The following NR3C2 variants were observed in gnomAD, a reference collection of about 807,000 sequenced individuals.
NR3C2 encodes mineralocorticoid receptor.
NR3C2 carries 15 observed loss-of-function variants against 86.4 expected under a neutral mutation model. That is an observed-to-expected ratio of 0.17 (90% CI 0.12 to 0.27). The LOEUF is 0.27. NR3C2 is among the 10% of genes least tolerant of loss of function. The pLI is 1.00. For synonymous variants in NR3C2, 458 were observed against 450.5 expected (o/e 1.02, Z -0.21); for missense variants, 960 against 1,195.6 (o/e 0.80, Z 2.91).
At chr4:148,305,910 G>T (rs1742592205) in intron 2 of NR3C2, among the ~76,000 whole-genome samples, 1 of 152,188 alleles carries the variant, frequency 6.6e-6, no homozygotes, top group Non-Finnish European at 1.5e-5. Flanking sequence ...CAAATAAGCA[G>T]CTGCTCCCAG....
chr4:148,419,456 T>G (rs61758349), intron 2 of NR3C2, among the ~76,000 whole-genome samples: 12 of 152,178 alleles, frequency 7.9e-5, no homozygotes, highest in Non-Finnish European at 1.3e-4. Flanking sequence ...TCAGAAAAGA[T>G]TATTTGCATC....
chr4:148,160,804 C>G (rs1276100292), intron 4 of NR3C2, among the ~76,000 whole-genome samples: 1 of 152,192 alleles, frequency 6.6e-6, no homozygotes, highest in African/African-American at 2.4e-5. Flanking sequence ...CACCAACTAT[C>G]TTCTTTAACA....
chr4:148,287,170 CTATTT>C (rs1004228850), intron 2 of NR3C2, among the ~76,000 whole-genome samples: 1 of 152,218 alleles, frequency 6.6e-6, no homozygotes, highest in Non-Finnish European at 1.5e-5. Context: ...CTACTGTTAA[CTATTT>C]TTTTCTCTAA....
intron 4 of NR3C2, among the ~76,000 whole-genome samples, chr4:148,188,146 T>TG (rs1432792834): frequency 2.0e-5 from 3 of 152,212 alleles, no homozygotes; most frequent in African/African-American, 7.2e-5. Context: ...AATCAGGTAA[T>TG]GGGATGTCTC....
rs549237098 is a variant in NR3C2 at position 148,319,854 on chromosome 4, T to C, written c.1758-59737A>G. On this transcript the variant is annotated intron_variant, in intron 2 of 8. Transcript: ENST00000358102. ...ACAATTTGACTTCCTCTTTTCCTAA[T>C]TGAATACCCTTTATTTCCTTCTCCT... 4.6e-3 allele frequency among the ~76,000 whole-genome samples: 664 copies of C among 144,470 alleles called. 20 individuals are homozygous for C. The highest frequency in any genetic ancestry group is 0.017 in the African/African-American group (618 of 36,624). The allele number at this position is 144,470 out of a possible 152,430, so 94.8% of individuals were successfully genotyped here.
chr4:148,336,076 T>C (rs1744472439), intron 2 of NR3C2, among the ~76,000 whole-genome samples: 1 of 152,172 alleles, frequency 6.6e-6, no homozygotes, highest in Non-Finnish European at 1.5e-5. Context: ...CCTTGAGTGA[T>C]AGTGTCTCAG....
At chr4:148,323,675 G>A (rs1404824146) in intron 2 of NR3C2, among the ~76,000 whole-genome samples, 5 of 152,184 alleles carry the variant, frequency 3.3e-5, no homozygotes, top group African/African-American at 7.2e-5. Flanking sequence ...TCTTTGACTC[G>A]GAAAGGGAAC....
At position 148,395,314 on chromosome 4, in the gene NR3C2, A is replaced by T. The variant is rs952244484; in HGVS notation, c.1757+39790T>A. ...CTTGTGATTTAGGGCTCTGCCCCTA[A>T]ATCCTCTAGAATATGGACTTTTTTG... On this transcript the variant is annotated intron_variant, in intron 2 of 8. Transcript: ENST00000358102. Among the ~76,000 whole-genome samples the T allele has an allele frequency of 1.2e-4, 18 of 152,300 alleles. 1 individual carries two copies. The highest frequency in any genetic ancestry group is 6.8e-3 in the Middle Eastern group (2 of 294).
chr4:148,351,223 G>T (rs1387517188), intron 2 of NR3C2, among the ~76,000 whole-genome samples: 1 of 152,130 alleles, frequency 6.6e-6, no homozygotes, highest in East Asian at 1.9e-4. Context: ...TCAGCTCACT[G>T]CAACCTCCAT....
chr4:148,147,157 C>T (rs1324413696), intron 6 of NR3C2, among the ~76,000 whole-genome samples: 2 of 152,092 alleles, frequency 1.3e-5, no homozygotes, highest in Non-Finnish European at 2.9e-5. Flanking sequence ...TATCTTCACC[C>T]CAATGTTTAG....
chr4:148,312,010 A>T (rs1466258602), intron 2 of NR3C2, among the ~76,000 whole-genome samples: 1 of 152,240 alleles, frequency 6.6e-6, no homozygotes, highest in Non-Finnish European at 1.5e-5. Context: ...ATGCATGCAC[A>T]CACAGTGATG....
At chr4:148,394,225 C>A (rs935500128) in intron 2 of NR3C2, among the ~76,000 whole-genome samples, 4 of 152,124 alleles carry the variant, frequency 2.6e-5, no homozygotes. Flanking sequence ...CCAGCTAAAT[C>A]CAGAAAACTG....
intron 2 of NR3C2, among the ~76,000 whole-genome samples, chr4:148,325,103 GGAGAGACA>G (rs1315749057): frequency 6.9e-6 from 1 of 144,772 alleles, no homozygotes; most frequent in Non-Finnish European, 1.5e-5. Context: ...GGAGCATAGT[GGAGAGACA>G]GAGAGAGAGA....
At chr4:148,194,974 C>A in intron 3 of NR3C2, 112 bp from the exon 4 acceptor site, 2 of 823,942 alleles carry the variant, frequency 2.4e-6, no homozygotes, top group Non-Finnish European at 2.0e-6. Flanking sequence ...ATCTCTTTCT[C>A]AAAAAAGTAA....
intron 2 of NR3C2, among the ~76,000 whole-genome samples, chr4:148,390,586 G>T (rs902279335): frequency 6.6e-6 from 1 of 152,038 alleles, no homozygotes; most frequent in Non-Finnish European, 1.5e-5. Context: ...ATACAACAAG[G>T]TTCTATTCAA....
intron 2 of NR3C2, among the ~76,000 whole-genome samples, chr4:148,339,535 G>A (rs905246456): frequency 2.0e-5 from 3 of 152,162 alleles, no homozygotes; most frequent in African/African-American, 7.2e-5. Context: ...CATTAGTAAT[G>A]TTTAAGAGAA....
chr4:148,087,578 A>T (rs918141082), intron 8 of NR3C2, among the ~76,000 whole-genome samples: 1 of 152,162 alleles, frequency 6.6e-6, no homozygotes, highest in Admixed American at 6.5e-5. Flanking sequence ...ATCTACAACC[A>T]TCTGATCTTT....
chr4:148,368,519 T>C (rs1307269821), intron 2 of NR3C2: 1 of 152,208 alleles, frequency 6.6e-6, no homozygotes, highest in Non-Finnish European at 1.5e-5. Context: ...GACAGTGGTA[T>C]ATTTTTATTA....
At chr4:148,326,001 CT>C (rs1217935774) in intron 2 of NR3C2, among the ~76,000 whole-genome samples, 1 of 152,146 alleles carries the variant, frequency 6.6e-6, no homozygotes, top group African/African-American at 2.4e-5. Flanking sequence ...CAAAAATATA[CT>C]TAATTGCTAA....
Sources: gnomAD v4.1 joint callset for allele counts (sites outside exome capture counted in the v4.1 genomes callset) on GRCh38, gnomAD v4.1.1 for gene constraint, MANE v1.5 for transcripts, NCBI Gene and HGNC (gene_info 2026-07-23, HGNC 2026-07-21) for gene names.